RGS21: variants seen among roughly 807,000 people sequenced by gnomAD.
The protein encoded by RGS21 is regulator of G-protein signalling 21.
Under a neutral mutation model 18.7 loss-of-function variants are expected in RGS21, and 19 were observed. The ratio of observed to expected loss-of-function variants is 1.01; its 90% CI spans 0.71 to 1.49. The LOEUF is 1.49. RGS21 is among the 40% of genes most tolerant of loss of function. The probability of loss-of-function intolerance (pLI) is 0.00; values close to 1 mark genes in which losing one functional copy is unlikely to be tolerated. For synonymous variants in RGS21, 56 were observed against 57.8 expected (o/e 0.97, Z 0.14); for missense variants, 194 against 176.8 (o/e 1.10, Z -0.55).
At chr1:192,358,390 A>G (rs981232893) in intron 4 of RGS21, among the ~76,000 whole-genome samples, 1 of 152,042 alleles carries the variant, frequency 6.6e-6, no homozygotes, top group African/African-American at 2.4e-5. Flanking sequence ...TTTAATAGCC[A>G]CCTTTGAGAA....
chr1:192,355,551 T>C (rs1659098673), intron 4 of RGS21, among the ~76,000 whole-genome samples: 1 of 151,462 alleles, frequency 6.6e-6, no homozygotes. Flanking sequence ...AAAAAAATCA[T>C]GACCCAAGTA....
chr1:192,344,748 C>A (rs1658923106), intron 2 of RGS21, among the ~76,000 whole-genome samples: 1 of 151,966 alleles, frequency 6.6e-6, no homozygotes, highest in South Asian at 2.1e-4. Context: ...CTCAGATAGT[C>A]AAAATTTAAC....
chr1:192,348,643 A>C (rs975852942), intron 3 of RGS21, among the ~76,000 whole-genome samples: 5 of 152,134 alleles, frequency 3.3e-5, no homozygotes, highest in African/African-American at 9.7e-5. Context: ...CTTAGTTAAC[A>C]CAACTTACAT....
In RGS21 at chr1:192,345,870, CAT is replaced by C. The variant is rs1658938366; in HGVS notation, c.12-1441_12-1440del. 2.0e-5 allele frequency among the ~76,000 whole-genome samples: 3 copies of C among 152,022 alleles called. No homozygotes were observed. The East Asian group carries it at 5.8e-4, about 29-fold the overall frequency. On this transcript the variant is annotated intron_variant, in intron 2 of 4. Coordinates refer to ENST00000417209, the MANE Select transcript of RGS21 (RefSeq NM_001039152.3). ...AATATTTGAGTTATATGAAATATAA[CAT>C]AAGCTTATTTGAGTAACAGGTTATA...
intron 4 of RGS21, among the ~76,000 whole-genome samples, chr1:192,358,222 T>C (rs994448099): frequency 1.3e-5 from 2 of 152,010 alleles, no homozygotes; most frequent in African/African-American, 4.8e-5. Context: ...ATCAGGATGG[T>C]TTTGAATTAT....
chr1:192,351,545 G>A (rs150601125), intron 3 of RGS21, among the ~76,000 whole-genome samples: 1,738 of 151,704 alleles, frequency 0.011, 21 homozygotes, highest in Middle Eastern at 0.062. Context: ...TTCCTGTGAA[G>A]TAACTACCAT....
chr1:192,362,724 G>A (rs1048797462), intron 4 of RGS21, among the ~76,000 whole-genome samples: 1 of 152,070 alleles, frequency 6.6e-6, no homozygotes, highest in Admixed American at 6.6e-5. Flanking sequence ...GAAAAATGAC[G>A]AGCATAAGTC....
At chr1:192,339,577 G>T (rs565342837) in intron 1 of RGS21, among the ~76,000 whole-genome samples, 101 of 151,900 alleles carry the variant, frequency 6.6e-4, no homozygotes, top group African/African-American at 2.0e-3. Context: ...CAAGCTACCA[G>T]ATTTGAAATC....
chr1:192,354,394 C>T (rs901260372), intron 4 of RGS21, among the ~76,000 whole-genome samples: 54 of 151,802 alleles, frequency 3.6e-4, no homozygotes, highest in African/African-American at 8.4e-4. Context: ...TGAAGAAACA[C>T]TATTCCAGCA....
At chr1:192,327,951 A>G (rs936697132) in intron 1 of RGS21, among the ~76,000 whole-genome samples, 5 of 152,224 alleles carry the variant, frequency 3.3e-5, no homozygotes, top group African/African-American at 9.6e-5. Flanking sequence ...GCAACTGAAG[A>G]TTTATAATGT....
chr1:192,365,763 G>A (rs1167461782), intron 4 of RGS21, among the ~76,000 whole-genome samples, 158 bp from the exon 5 acceptor site: 1 of 152,056 alleles, frequency 6.6e-6, no homozygotes, highest in Non-Finnish European at 1.5e-5. Flanking sequence ...ATTAAACCAA[G>A]CATGTATTCT....
chr1:192,329,358 C>T (rs1441992492), intron 1 of RGS21, among the ~76,000 whole-genome samples: 1 of 151,984 alleles, frequency 6.6e-6, no homozygotes, highest in African/African-American at 2.4e-5. Context: ...CTTCCCTAGG[C>T]CATTTCTCTG....
intron 2 of RGS21, among the ~76,000 whole-genome samples, chr1:192,344,223 T>A (rs1181659839): frequency 6.6e-6 from 1 of 151,990 alleles, no homozygotes; most frequent in Non-Finnish European, 1.5e-5. Context: ...ATATGATAAA[T>A]CTCTATTGCA....
At chr1:192,334,593 A>T (rs1185850837) in intron 1 of RGS21, among the ~76,000 whole-genome samples, 1 of 152,110 alleles carries the variant, frequency 6.6e-6, no homozygotes, top group Admixed American at 6.6e-5. Context: ...AATATATGTA[A>T]GAAACTTGGG....
intron 2 of RGS21, among the ~76,000 whole-genome samples, chr1:192,344,424 C>A (rs896086923): frequency 1.3e-5 from 2 of 151,992 alleles, no homozygotes; most frequent in African/African-American, 4.8e-5. Context: ...GTATCTCTGA[C>A]CCTCTTTACT....
At chr1:192,318,627 C>G (rs1272211947) in intron 1 of RGS21, among the ~76,000 whole-genome samples, 2 of 152,048 alleles carry the variant, frequency 1.3e-5, no homozygotes, top group Non-Finnish European at 2.9e-5. Flanking sequence ...CTTAGTCTGT[C>G]TTTATTGATG....
chr1:192,351,647 T>C (rs1469293585), intron 3 of RGS21, among the ~76,000 whole-genome samples: 2 of 148,850 alleles, frequency 1.3e-5, no homozygotes, highest in African/African-American at 4.9e-5. Flanking sequence ...TGTAGAAATA[T>C]ATATGCTATA....
In RGS21 at chr1:192,325,009, C is replaced by T. The variant is rs977127755; in HGVS notation, c.-61+7904C>T. Among the ~76,000 whole-genome samples, 5 of 152,140 alleles carry T rather than the reference C, an allele frequency of 3.3e-5. No individual in the cohort carries two copies. The East Asian group carries it at 9.6e-4, about 29-fold the overall frequency. ...TCTCTCCGTTTTTAATTTCCACTAT[C>T]CTTGGGAATAAGGATGATCTGGCTT... On this transcript the variant is annotated intron_variant, in intron 1 of 4. Transcript: ENST00000417209.
chr1:192,361,565 T>C (rs1354314241), intron 4 of RGS21, among the ~76,000 whole-genome samples: 5 of 152,102 alleles, frequency 3.3e-5, no homozygotes, highest in Non-Finnish European at 5.9e-5. Flanking sequence ...TCCTTTTTTT[T>C]GACGGAGTCT....
Sources: allele counts gnomAD v4.1 joint callset (sites outside exome capture counted in the v4.1 genomes callset), GRCh38; gene constraint gnomAD v4.1.1; transcripts MANE v1.5; gene names NCBI Gene and HGNC (gene_info 2026-07-23, HGNC 2026-07-21).